GSE1: variants seen among roughly 807,000 people sequenced by gnomAD.
GSE1 encodes the protein genetic suppressor element 1.
In GSE1, 32 loss-of-function variants were observed where a neutral mutation model predicts 112.6. That is an observed-to-expected ratio of 0.28 (90% confidence interval 0.21 to 0.38). GSE1 has a LOEUF of 0.38. GSE1 is among the 10% of genes least tolerant of loss of function. GSE1 has a pLI of 1.00. For synonymous variants in GSE1, 1,115 were observed against 735.6 expected, an observed-to-expected ratio of 1.52 and a Z score of -8.35; for missense variants, 2,348 against 1,699.2, an observed-to-expected ratio of 1.38 and a Z score of -6.71.
chr16:85,211,085 T>C (rs752889754), intron 1 of GSE1, among the ~76,000 whole-genome samples: 6 of 152,336 alleles, frequency 3.9e-5, no homozygotes, highest in Middle Eastern at 3.4e-3. Context: ...GGAGCATTTA[T>C]TGAGTGCCTC....
At chr16:85,613,113 C>A, upstream of GSE1, 2 of 1,031,784 alleles carry the variant, frequency 1.9e-6, no homozygotes, top group Non-Finnish European at 2.6e-6. Context: ...CGCGCGCGCG[C>A]CTGTGTGTTT....
intron 1 of GSE1, among the ~76,000 whole-genome samples, chr16:85,198,212 A>G (rs1361251039): frequency 6.6e-6 from 1 of 152,214 alleles, no homozygotes; most frequent in African/African-American, 2.4e-5. Context: ...CCACAGGGTC[A>G]CTGTAGCTCC....
At chr16:85,542,548 C>A (rs551896327) in intron 2 of GSE1, among the ~76,000 whole-genome samples, 3 of 152,234 alleles carry the variant, frequency 2.0e-5, no homozygotes, top group Admixed American at 2.0e-4. Flanking sequence ...AGAGCTGAAG[C>A]GGAGATGCTT....
At chr16:85,395,724 C>T (rs1435825333) in intron 2 of GSE1, among the ~76,000 whole-genome samples, 2 of 152,208 alleles carry the variant, frequency 1.3e-5, no homozygotes, top group African/African-American at 2.4e-5. Context: ...CCTGCCCACG[C>T]TCTCTAGGGG....
intron 8 of GSE1, among the ~76,000 whole-genome samples, chr16:85,660,586 C>G (rs771470657): frequency 6.6e-6 from 1 of 152,010 alleles, no homozygotes; most frequent in Non-Finnish European, 1.5e-5. Flanking sequence ...TTGCAGTGAG[C>G]TGAGCTTGCC....
chr16:85,288,244 AAAAAG>A (rs575408936), intron 1 of GSE1, among the ~76,000 whole-genome samples: 1 of 152,186 alleles, frequency 6.6e-6, no homozygotes, highest in Non-Finnish European at 1.5e-5. Flanking sequence ...TGACCCAAAA[AAAAAG>A]AAAAGAAAAG....
chr16:85,651,155 A>G (rs1173138936), intron 3 of GSE1, among the ~76,000 whole-genome samples: 1 of 144,306 alleles, frequency 6.9e-6, no homozygotes, highest in East Asian at 2.1e-4. Flanking sequence ...AAAGCTGCCC[A>G]CAGATGCGCC....
intron 1 of GSE1, among the ~76,000 whole-genome samples, chr16:85,281,614 A>C (rs1369385850): frequency 6.6e-6 from 1 of 152,154 alleles, no homozygotes; most frequent in Admixed American, 6.6e-5. Context: ...AACGATATGC[A>C]ATGCTCCAGA....
intron 2 of GSE1, among the ~76,000 whole-genome samples, chr16:85,514,368 C>G (rs866006374): frequency 1.0e-5 from 1 of 95,600 alleles, no homozygotes; most frequent in African/African-American, 3.8e-5. Flanking sequence ...TGGGACACCA[C>G]CCCCCCATCC....
In GSE1 at chr16:85,494,646, C is replaced by G. The variant is rs1186613455; in HGVS notation, c.2464+137003C>G. Among the ~76,000 whole-genome samples, 3 of 152,152 alleles carry G rather than the reference C, an allele frequency of 2.0e-5. 1 individual carries two copies. The highest frequency in any genetic ancestry group is 4.4e-5 in the Non-Finnish European group (3 of 68,026). On this transcript the variant is annotated intron_variant, in intron 2 of 2. Transcript: ENST00000637419. ...CTCAAACTCCTGGACTCAAGCAACC[C>G]TCCCTCCTTGGCCTCCCAAAGTGCT... is the stretch of plus-strand genomic sequence containing the variant.
Position 85,656,637 on chromosome 16 carries a change from C to G in GSE1, c.1284C>G (p.Pro428=), listed in dbSNP as rs1452168527. Residue 428 remains proline (P), a synonymous_variant, in exon 7 of 16, where the codon CCC becomes CCG. Transcript: ENST00000253458. ...RGHATEERGK[P]SEQLTPTRAE... is the part of the protein sequence containing the mutation. Reference sequence around the variant, plus strand: ...ATGCCACTGAGGAGCGGGGCAAGCCCTCGGAGCAGCTGACCCCAACCCGAG... The same window carrying G: ...ATGCCACTGAGGAGCGGGGCAAGCCGTCGGAGCAGCTGACCCCAACCCGAG... 2 of 1,533,510 alleles carry G rather than the reference C, an allele frequency of 1.3e-6. No homozygotes were observed. Among genetic ancestry groups the G allele is most frequent in the East Asian group, 4.9e-5 (2 of 40,652 alleles). 95.0% of individuals were successfully genotyped at this position (1,533,510 alleles called of 1,614,324 possible). A position where few individuals can be genotyped will look rare whatever the true frequency, so the allele number is the denominator to read the frequency against.
intron 1 of GSE1, among the ~76,000 whole-genome samples, chr16:85,275,713 CA>C (rs764648325): frequency 5.3e-5 from 8 of 152,194 alleles, no homozygotes; most frequent in Non-Finnish European, 1.0e-4. Context: ...TGTAAAGCTG[CA>C]GCCCTCCGCG....
intron 1 of GSE1, among the ~76,000 whole-genome samples, chr16:85,317,470 C>T (rs1474637924): frequency 3.9e-5 from 6 of 152,124 alleles, no homozygotes; most frequent in Non-Finnish European, 8.8e-5. Context: ...CCCTACGAGT[C>T]CCAGCCCCTC....
At chr16:85,261,908 C>T (rs1009225144) in intron 1 of GSE1, among the ~76,000 whole-genome samples, 4 of 152,146 alleles carry the variant, frequency 2.6e-5, no homozygotes, top group East Asian at 3.9e-4. Flanking sequence ...GCTAAACCCT[C>T]GTGTGTATCC....
chr16:85,574,624 G>T (rs2046144723), intron 1 of GSE1, among the ~76,000 whole-genome samples: 1 of 152,262 alleles, frequency 6.6e-6, no homozygotes, highest in Admixed American at 6.5e-5. Flanking sequence ...TCTCCGCCCG[G>T]CCTCCAGAGG....
intron 1 of GSE1, among the ~76,000 whole-genome samples, chr16:85,236,002 CTGAGG>C (rs1904613055): frequency 2.0e-5 from 3 of 150,216 alleles, no homozygotes; most frequent in Non-Finnish European, 3.0e-5. Context: ...GGGCCTGGGG[CTGAGG>C]CTGGGCCTGG....
intron 2 of GSE1, among the ~76,000 whole-genome samples, chr16:85,508,399 C>A (rs957720549): frequency 2.6e-5 from 4 of 152,184 alleles, no homozygotes; most frequent in Non-Finnish European, 5.9e-5. Context: ...TTCTACCTAG[C>A]CCCTGCTCTG....
At chr16:85,597,028 A>G (rs946972782) in intron 1 of GSE1, among the ~76,000 whole-genome samples, 9 of 151,708 alleles carry the variant, frequency 5.9e-5, no homozygotes, top group African/African-American at 2.2e-4. Context: ...CCCAGGCTGG[A>G]GTACAGTGGC....
chr16:85,506,023 G>A (rs1331442787), intron 2 of GSE1, among the ~76,000 whole-genome samples: 4 of 152,028 alleles, frequency 2.6e-5, no homozygotes, highest in African/African-American at 9.7e-5. Context: ...GTGCAGGTTT[G>A]GAGTGCCTCC....
Sources: gnomAD v4.1 joint callset for allele counts (sites outside exome capture counted in the v4.1 genomes callset) on GRCh38, gnomAD v4.1.1 for gene constraint, MANE v1.5 for transcripts, NCBI Gene and HGNC (gene_info 2026-07-23, HGNC 2026-07-21) for gene names.